FRMPD4: variants seen among roughly 807,000 people sequenced by gnomAD.
FRMPD4 encodes the protein FERM and PDZ domain-containing protein 4.
In FRMPD4, 22 loss-of-function variants were observed where a neutral mutation model predicts 94.1. That is an observed-to-expected ratio of 0.23 (90% CI 0.17 to 0.33). The LOEUF is 0.33. Among genes scored for constraint, FRMPD4 ranks in the 10% least tolerant of loss-of-function variants. The pLI, the probability that FRMPD4 is intolerant of heterozygous loss-of-function variation, is 1.00. For missense variants in FRMPD4, 1,111 were observed against 1,339.9 expected (o/e 0.83, Z 2.67); for synonymous variants, 631 against 548.6 (o/e 1.15, Z -2.10).
At chrX:12,569,894 C>T (rs999587313) in intron 2 of FRMPD4, among the ~76,000 whole-genome samples, 2 of 111,893 alleles carry the variant, frequency 1.8e-5, no homozygotes, top group African/African-American at 6.5e-5. Flanking sequence ...AAATCTAGCA[C>T]CTCCTATGTA....
At chrX:12,471,176 G>C (rs2057507573) in intron 1 of FRMPD4, among the ~76,000 whole-genome samples, 1 of 111,099 alleles carries the variant, frequency 9.0e-6, no homozygotes, top group Non-Finnish European at 1.9e-5. Context: ...AGCATTTCAG[G>C]ACCCCAGCTG....
intron 1 of FRMPD4, among the ~76,000 whole-genome samples, chrX:12,225,108 A>G (rs2056908210): frequency 8.9e-6 from 1 of 112,109 alleles, no homozygotes; most frequent in Non-Finnish European, 1.9e-5. Context: ...ATTCCTCCAC[A>G]ATATAAAATC....
chrX:12,299,602 TTCTCTA>T (rs2054828939), intron 1 of FRMPD4, among the ~76,000 whole-genome samples: 1 of 110,417 alleles, frequency 9.1e-6, no homozygotes, highest in Non-Finnish European at 1.9e-5. Context: ...CCCAAGACAC[TTCTCTA>T]TCTCAACAGG....
intron 1 of FRMPD4, among the ~76,000 whole-genome samples, chrX:12,199,236 A>AGTGT (rs2056600211): frequency 1.5e-5 from 1 of 65,551 alleles, no homozygotes; most frequent in African/African-American, 6.2e-5. Flanking sequence ...TAGAAAGGAA[A>AGTGT]ATGTGTGTGT....
At chrX:12,382,921 T>C (rs779995034) in intron 1 of FRMPD4, among the ~76,000 whole-genome samples, 3 of 112,352 alleles carry the variant, frequency 2.7e-5, no homozygotes, top group East Asian at 2.8e-4. Flanking sequence ...GTAAACATAA[T>C]AGGGACTCGG....
chrX:12,282,971 A>G (rs1353149432), intron 1 of FRMPD4, among the ~76,000 whole-genome samples: 1 of 113,000 alleles, frequency 8.8e-6, no homozygotes. Flanking sequence ...ATGGAATGCA[A>G]TTAAAAGCCC....
intron 5 of FRMPD4, among the ~76,000 whole-genome samples, chrX:12,679,098 A>G (rs1326947600): frequency 8.9e-6 from 1 of 112,432 alleles, no homozygotes; most frequent in Non-Finnish European, 1.9e-5. Flanking sequence ...ACCATATGTC[A>G]TGCTGAGCAT....
chrX:12,024,278 T>G (rs1329949056), intron 3 of FRMPD4, among the ~76,000 whole-genome samples: 1 of 112,153 alleles, frequency 8.9e-6, no homozygotes, highest in Non-Finnish European at 1.9e-5. Context: ...GTCATGCATA[T>G]ATATGTACAC....
chrX:12,559,626 G>C (rs2058631119), intron 2 of FRMPD4, among the ~76,000 whole-genome samples: 1 of 101,613 alleles, frequency 9.8e-6, no homozygotes, highest in Non-Finnish European at 2.0e-5. Context: ...CTCCAGCCGA[G>C]GTGATAGAGT....
chrX:12,217,078 C>G (rs981560941), intron 1 of FRMPD4, among the ~76,000 whole-genome samples: 3 of 112,141 alleles, frequency 2.7e-5, no homozygotes, highest in East Asian at 5.6e-4. Flanking sequence ...GGGTACTTGT[C>G]TTAAAGCTAG....
intron 3 of FRMPD4, among the ~76,000 whole-genome samples, chrX:12,004,921 C>T (rs1306934413): frequency 1.8e-5 from 2 of 111,248 alleles, no homozygotes; most frequent in Non-Finnish European, 3.8e-5. Context: ...CCTTCATCAC[C>T]ATCCCCTGGA....
chrX:11,843,859 A>G (rs1358631218), intron 1 of FRMPD4, among the ~76,000 whole-genome samples: 2 of 109,984 alleles, frequency 1.8e-5, no homozygotes, highest in African/African-American at 6.6e-5. Context: ...GCCTTTTAAC[A>G]TTTCTTATGC....
At chrX:12,445,739 G>T in intron 1 of FRMPD4, among the ~76,000 whole-genome samples, 1 of 112,515 alleles carries the variant, frequency 8.9e-6, no homozygotes, top group African/African-American at 3.2e-5. Flanking sequence ...GAATAAATAT[G>T]AATTTTGAGC....
At chrX:12,183,618 G>A (rs2056388446) in intron 1 of FRMPD4, among the ~76,000 whole-genome samples, 1 of 111,290 alleles carries the variant, frequency 9.0e-6, no homozygotes, top group African/African-American at 3.3e-5. Flanking sequence ...CCACAAACAT[G>A]GATTTTGTCA....
chrX:11,845,693 G>T (rs1210690897), intron 1 of FRMPD4, among the ~76,000 whole-genome samples: 1 of 110,614 alleles, frequency 9.0e-6, no homozygotes, highest in Non-Finnish European at 1.9e-5. Context: ...GATCAAGTGG[G>T]CTTCATCCCT....
At chrX:12,146,295 C>T (rs1227947617) in intron 1 of FRMPD4, among the ~76,000 whole-genome samples, 2 of 109,772 alleles carry the variant, frequency 1.8e-5, no homozygotes, top group Non-Finnish European at 3.8e-5. Context: ...ATCTGGGAGG[C>T]GAAGCTTGCA....
chrX:11,910,045 G>A (rs910209108), intron 3 of FRMPD4, among the ~76,000 whole-genome samples: 1 of 111,961 alleles, frequency 8.9e-6, no homozygotes, highest in Non-Finnish European at 1.9e-5. Flanking sequence ...TGTTTGTCAA[G>A]TATTTTATAT....
intron 1 of FRMPD4, among the ~76,000 whole-genome samples, chrX:12,211,031 G>A (rs1031534976): frequency 8.9e-6 from 1 of 112,212 alleles, no homozygotes; most frequent in Non-Finnish European, 1.9e-5. Flanking sequence ...TGAATTCAGT[G>A]GGTGATTATT....
chrX:12,063,389 CA>C (rs2147462546), intron 3 of FRMPD4, among the ~76,000 whole-genome samples: 1 of 111,418 alleles, frequency 9.0e-6, no homozygotes, highest in South Asian at 3.8e-4. Flanking sequence ...AACAAACAAA[CA>C]AACAAAAAAA....
Sources: allele counts gnomAD v4.1 joint callset (sites outside exome capture counted in the v4.1 genomes callset), GRCh38; gene constraint gnomAD v4.1.1; transcripts MANE v1.5; gene names NCBI Gene and HGNC (gene_info 2026-07-23, HGNC 2026-07-21).